Variants in HCRTR2 observed in about 807,000 individuals in gnomAD.
The protein encoded by HCRTR2 is orexin receptor type 2.
A neutral mutation model predicts 49.0 loss-of-function variants in HCRTR2; 22 were observed. That is an observed-to-expected ratio of 0.45 (90% CI 0.32 to 0.64). The LOEUF is 0.64. HCRTR2 is among the 30% of genes least tolerant of loss of function. The pLI, the probability that HCRTR2 is intolerant of heterozygous loss-of-function variation, is 0.04. For missense variants in HCRTR2, 491 were observed against 559.4 expected, an observed-to-expected ratio of 0.88 and a Z score of 1.23; for synonymous variants, 236 against 205.3, an observed-to-expected ratio of 1.15 and a Z score of -1.28.
chr6:55,224,064 A>C (rs1765950391), intron 1 of HCRTR2, among the ~76,000 whole-genome samples: 1 of 152,204 alleles, frequency 6.6e-6, no homozygotes, highest in African/African-American at 2.4e-5. Context: ...GTCATCTTAG[A>C]GTTATCTTGT....
intron 1 of HCRTR2, 109 bp from the exon 2 acceptor site, chr6:55,248,530 T>C: frequency 1.1e-6 from 1 of 899,228 alleles, no homozygotes; most frequent in Non-Finnish European, 1.8e-6. Context: ...CTTCAATTAT[T>C]TTTCTTTTTA....
chr6:55,157,195 A>G (rs756339950), intron 1 of HCRTR2, among the ~76,000 whole-genome samples: 1 of 152,202 alleles, frequency 6.6e-6, no homozygotes, highest in Non-Finnish European at 1.5e-5. Context: ...TACAATATCA[A>G]TTCTCAAAAA....
At chr6:55,218,291 T>C (rs568275631) in intron 1 of HCRTR2, among the ~76,000 whole-genome samples, 1 of 152,174 alleles carries the variant, frequency 6.6e-6, no homozygotes, top group African/African-American at 2.4e-5. Context: ...CAAACCATAG[T>C]GATGTCACTA....
At chr6:55,194,515 T>C (rs1409750267) in intron 1 of HCRTR2, among the ~76,000 whole-genome samples, 2 of 152,116 alleles carry the variant, frequency 1.3e-5, no homozygotes, top group Admixed American at 6.5e-5. Flanking sequence ...ATATTTGTTT[T>C]CAAATATCAA....
intron 1 of HCRTR2, among the ~76,000 whole-genome samples, chr6:55,132,370 G>A (rs764419779): frequency 6.6e-6 from 1 of 151,818 alleles, no homozygotes; most frequent in Non-Finnish European, 1.5e-5. Flanking sequence ...GTGCAGTAGC[G>A]AGAAGGATTC....
At chr6:55,265,061 C>T (rs1276068794) in intron 4 of HCRTR2, among the ~76,000 whole-genome samples, 1 of 151,862 alleles carries the variant, frequency 6.6e-6, no homozygotes, top group Non-Finnish European at 1.5e-5. Context: ...TTCTCTTTTC[C>T]TCTGCTATTA....
chr6:55,208,289 A>G (rs1765637367), intron 1 of HCRTR2, among the ~76,000 whole-genome samples: 1 of 151,386 alleles, frequency 6.6e-6, no homozygotes, highest in Non-Finnish European at 1.5e-5. Context: ...AGCCTGGCCC[A>G]ACACGGTGAA....
intron 1 of HCRTR2, among the ~76,000 whole-genome samples, chr6:55,141,261 G>A (rs888712225): frequency 3.3e-5 from 5 of 152,004 alleles, no homozygotes; most frequent in African/African-American, 4.8e-5. Flanking sequence ...AGGAGAATGC[G>A]TGAACCCAGG....
In HCRTR2 at chr6:55,260,319, G is replaced by A. The variant is rs575603903; in HGVS notation, c.647-3388G>A. Reference sequence around the variant, plus strand: ...TGACACCTCTTCAAAACAAATAAAAGTTCAAAGCCTCTTAGGTGCCTGGGA... The same window carrying A: ...TGACACCTCTTCAAAACAAATAAAAATTCAAAGCCTCTTAGGTGCCTGGGA... On this transcript the variant is annotated intron_variant, in intron 3 of 6. Transcript: ENST00000370862. Among the ~76,000 whole-genome samples the A allele has an allele frequency of 2.6e-5, 4 of 152,244 alleles. No homozygotes were observed. In the South Asian group the frequency reaches 8.3e-4, roughly 32 times the overall value.
At chr6:55,167,795 T>C (rs1469342729) in intron 1 of HCRTR2, among the ~76,000 whole-genome samples, 1 of 152,206 alleles carries the variant, frequency 6.6e-6, no homozygotes, top group East Asian at 1.9e-4. Flanking sequence ...GAACCCACTC[T>C]TTTTCTGCCC....
chr6:55,178,818 C>G (rs1421784982), intron 1 of HCRTR2, among the ~76,000 whole-genome samples: 2 of 152,214 alleles, frequency 1.3e-5, no homozygotes, highest in Non-Finnish European at 1.5e-5. Context: ...CCATTCCTAA[C>G]TATTGGAATA....
intron 1 of HCRTR2, among the ~76,000 whole-genome samples, chr6:55,214,992 C>A (rs1765763249): frequency 6.6e-6 from 1 of 151,902 alleles, no homozygotes; most frequent in Admixed American, 6.6e-5. Flanking sequence ...AAGAAAAGGA[C>A]AGAAAAATAG....
chr6:55,249,874 G>T (rs1187129885), intron 2 of HCRTR2, among the ~76,000 whole-genome samples: 1 of 151,966 alleles, frequency 6.6e-6, no homozygotes, highest in Admixed American at 6.6e-5. Flanking sequence ...TAGCTTTCCT[G>T]CACCCTCAGT....
chr6:55,130,212 C>A (rs772676623), intron 1 of HCRTR2, among the ~76,000 whole-genome samples: 1 of 151,858 alleles, frequency 6.6e-6, no homozygotes, highest in Non-Finnish European at 1.5e-5. Flanking sequence ...CTATATCTAG[C>A]TTCCTACCTG....
At chr6:55,147,077 G>A (rs527340494) in intron 1 of HCRTR2, among the ~76,000 whole-genome samples, 6 of 151,950 alleles carry the variant, frequency 3.9e-5, no homozygotes, top group Non-Finnish European at 5.9e-5. Context: ...TCAGCTTAGG[G>A]GATATTTAAA....
intron 1 of HCRTR2, among the ~76,000 whole-genome samples, chr6:55,180,142 C>A (rs1407999655): frequency 6.6e-6 from 1 of 152,096 alleles, no homozygotes; most frequent in Non-Finnish European, 1.5e-5. Flanking sequence ...TCTATTGATG[C>A]CTTACAACAA....
chr6:55,165,208 G>T (rs571170522), intron 1 of HCRTR2, among the ~76,000 whole-genome samples: 1 of 145,634 alleles, frequency 6.9e-6, no homozygotes, highest in South Asian at 2.3e-4. Flanking sequence ...AGAGTTACTG[G>T]CCTTAAAAAG....
At chr6:55,146,597 C>CTT (rs34067488) in intron 1 of HCRTR2, among the ~76,000 whole-genome samples, 1 of 144,626 alleles carries the variant, frequency 6.9e-6, no homozygotes, top group Admixed American at 6.8e-5. Flanking sequence ...AAAAAACAAG[C>CTT]TTTTTTTTTC....
intron 1 of HCRTR2, among the ~76,000 whole-genome samples, chr6:55,236,785 T>C (rs889861954): frequency 6.6e-6 from 1 of 152,178 alleles, no homozygotes. Flanking sequence ...TTTTCTCTTA[T>C]ATTTATCCTG....
Sources: gnomAD v4.1 joint callset for allele counts (sites outside exome capture counted in the v4.1 genomes callset) on GRCh38, gnomAD v4.1.1 for gene constraint, MANE v1.5 for transcripts, NCBI Gene and HGNC (gene_info 2026-07-23, HGNC 2026-07-21) for gene names.